Variants in GNG4 observed in about 807,000 individuals in gnomAD.
GNG4 encodes guanine nucleotide-binding protein G(I)/G(S)/G(O) subunit gamma-4.
Under a neutral mutation model 5.8 loss-of-function variants are expected in GNG4, and 4 were observed. That is an observed-to-expected ratio of 0.69 (90% confidence interval 0.34 to 1.57). The LOEUF (loss-of-function observed/expected upper bound fraction) is 1.57. Ranked by LOEUF, GNG4 falls within the 40% of genes most tolerant of loss-of-function variation. GNG4 has a pLI of 0.06. For synonymous variants in GNG4, 29 were observed against 32.9 expected, an observed-to-expected ratio of 0.88 and a Z score of 0.41; for missense variants, 96 against 95.1, an observed-to-expected ratio of 1.01 and a Z score of -0.04.
At chr1:235,570,516 C>T (rs1192546998) in intron 3 of GNG4, among the ~76,000 whole-genome samples, 1 of 151,326 alleles carries the variant, frequency 6.6e-6, no homozygotes, top group Non-Finnish European at 1.5e-5. Context: ...CCTGCCTCAG[C>T]CTCCCGAGTA....
At chr1:235,594,677 G>C (rs1007274980) in intron 2 of GNG4, among the ~76,000 whole-genome samples, 1 of 152,216 alleles carries the variant, frequency 6.6e-6, no homozygotes, top group Admixed American at 6.5e-5. Context: ...GCCGCTCCCA[G>C]TGCGGGGCCG....
chr1:235,632,173 ACTC>A (rs1688944840), intron 1 of GNG4, among the ~76,000 whole-genome samples: 1 of 150,534 alleles, frequency 6.6e-6, no homozygotes, highest in Non-Finnish European at 1.5e-5. Context: ...GCAGCCTTAA[ACTC>A]CTCCTGGGCT....
chr1:235,569,326 T>C (rs1297646474), intron 3 of GNG4, among the ~76,000 whole-genome samples: 1 of 151,986 alleles, frequency 6.6e-6, no homozygotes, highest in African/African-American at 2.4e-5. Context: ...CTGGGCAACA[T>C]GGCAAAACCT....
rs549723622 is a variant in GNG4, at chr1:235,644,805, C to T, written c.-123+4857G>A. Among the ~76,000 whole-genome samples the T allele has an allele frequency of 5.9e-5, 9 of 152,160 alleles. No individual in the cohort carries two copies. Among genetic ancestry groups the T allele is most frequent in the Non-Finnish European group, 1.2e-4 (8 of 68,006 alleles). ...CTGTGCAGGGCGGGTACCCCAGAGC[C>T]GCAGGGCAGGGCAGATGGCTCCTCA... On this transcript the variant is annotated intron_variant, in intron 1 of 3. Transcript: ENST00000391854. The surrounding 1 kb of genome is among the most constrained non-coding windows in gnomAD (Gnocchi z 5.9).
At chr1:235,561,318 A>AT (rs1259894135) in intron 3 of GNG4, among the ~76,000 whole-genome samples, 2 of 150,778 alleles carry the variant, frequency 1.3e-5, no homozygotes, top group Non-Finnish European at 3.0e-5. Flanking sequence ...CATTTTGCCC[A>AT]TTTTTTAATG....
chr1:235,630,848 T>C (rs954308169), intron 1 of GNG4, among the ~76,000 whole-genome samples: 1 of 151,828 alleles, frequency 6.6e-6, no homozygotes, highest in Non-Finnish European at 1.5e-5. Flanking sequence ...ATGTCAACAG[T>C]AAAATGAAAC....
chr1:235,587,581 C>T (rs113140423), intron 2 of GNG4, among the ~76,000 whole-genome samples: 7 of 1,262 alleles, frequency 5.5e-3, no homozygotes, highest in Non-Finnish European at 9.6e-3. Context: ...TGTGGGGTGG[C>T]GGTGAGTGTG....
At chr1:235,593,105 T>C (rs113991976) in intron 2 of GNG4, among the ~76,000 whole-genome samples, 5,740 of 152,214 alleles carry the variant, frequency 0.038, 347 homozygotes, top group African/African-American at 0.13. Context: ...CGTACCACTA[T>C]GCCCAGCTAA....
chr1:235,627,584 A>C (rs1444478936), intron 1 of GNG4, among the ~76,000 whole-genome samples: 1 of 152,202 alleles, frequency 6.6e-6, no homozygotes. Flanking sequence ...CTGGTACGGC[A>C]CAGGGGGCTG....
chr1:235,566,405 G>C (rs1311792068), intron 3 of GNG4, among the ~76,000 whole-genome samples: 1 of 152,204 alleles, frequency 6.6e-6, no homozygotes, highest in Non-Finnish European at 1.5e-5. Flanking sequence ...AATCTAGCTT[G>C]CATGCTCCTT....
At chr1:235,596,231 C>T (rs1183386662) in intron 1 of GNG4, among the ~76,000 whole-genome samples, 8 of 148,078 alleles carry the variant, frequency 5.4e-5, no homozygotes, top group South Asian at 2.2e-4. Flanking sequence ...CACACACACA[C>T]ACACACACAC....
intron 3 of GNG4, among the ~76,000 whole-genome samples, chr1:235,567,322 A>G (rs991974291): frequency 1.3e-5 from 2 of 152,184 alleles, no homozygotes; most frequent in African/African-American, 4.8e-5. Flanking sequence ...TAAAACATAC[A>G]TGACATCAAA....
chr1:235,615,614 A>C (rs1688571956), intron 1 of GNG4: 1 of 227,734 alleles, frequency 4.4e-6, no homozygotes, highest in African/African-American at 2.3e-5. Context: ...TATGTGTCCA[A>C]GTCTGCAGTG....
intron 3 of GNG4, among the ~76,000 whole-genome samples, chr1:235,557,802 CGAG>C (rs1471277145): frequency 1.3e-5 from 2 of 152,108 alleles, no homozygotes; most frequent in Non-Finnish European, 2.9e-5. Flanking sequence ...ACAGCTCAGT[CGAG>C]GAGAAGTCAG....
intron 2 of GNG4, among the ~76,000 whole-genome samples, chr1:235,585,268 G>C (rs1282894982): frequency 6.6e-6 from 1 of 151,122 alleles, no homozygotes; most frequent in Non-Finnish European, 1.5e-5. Context: ...TTTTGAGATA[G>C]GGTCTCTGTC....
intron 3 of GNG4, among the ~76,000 whole-genome samples, chr1:235,581,362 T>C (rs1158577063): frequency 6.6e-6 from 1 of 151,948 alleles, no homozygotes. Context: ...ACCCCGTCTC[T>C]ACTAAAAATA....
At chr1:235,573,076 C>T (rs954165056) in intron 3 of GNG4, among the ~76,000 whole-genome samples, 3 of 151,984 alleles carry the variant, frequency 2.0e-5, no homozygotes, top group Non-Finnish European at 4.4e-5. Context: ...TGGAACCAAC[C>T]CAAATGTCCA....
intron 1 of GNG4, among the ~76,000 whole-genome samples, chr1:235,627,215 G>T (rs1688834613): frequency 6.6e-6 from 1 of 151,582 alleles, no homozygotes; most frequent in African/African-American, 2.4e-5. Context: ...ATAGTTTTTT[G>T]TTTGTTTGTT....
intron 1 of GNG4, among the ~76,000 whole-genome samples, chr1:235,636,783 T>G (rs76014922): frequency 0.021 from 3,243 of 152,200 alleles, 53 homozygotes; most frequent in African/African-American, 0.036. Context: ...GAGGGACACA[T>G]CGGAACTGGA....
Sources: allele counts gnomAD v4.1 joint callset (sites outside exome capture counted in the v4.1 genomes callset), GRCh38; gene constraint gnomAD v4.1.1; non-coding constraint Gnocchi (gnomAD v3.1); transcripts MANE v1.5; gene names NCBI Gene and HGNC (gene_info 2026-07-23, HGNC 2026-07-21).